Variants in ZNF276 observed in about 807,000 individuals in gnomAD.
The protein encoded by ZNF276 is centromere protein Z.
Under a neutral mutation model 63.9 loss-of-function variants are expected in ZNF276, and 59 were observed. That is an observed-to-expected ratio of 0.92 (90% confidence interval 0.75 to 1.15). ZNF276 has a LOEUF of 1.15. Ranked by LOEUF, ZNF276 falls within the 50% of genes most tolerant of loss-of-function variation. ZNF276 has a pLI of 0.00. For missense variants in ZNF276, 1,084 were observed against 843.8 expected (o/e 1.28, Z -3.53); for synonymous variants, 496 against 348.4 (o/e 1.42, Z -4.72).
rs747684200 is a variant in ZNF276, at chr16:89,737,972, C to G, written c.1575-4C>G. The G allele has an allele frequency of 1.2e-6, 2 of 1,614,136 alleles. No individual in the cohort carries two copies. The highest frequency in any genetic ancestry group is 1.7e-6 in the Non-Finnish European group (2 of 1,180,004). On this transcript the variant is annotated splice_region_variant and splice_polypyrimidine_tract_variant and intron_variant, in intron 10 of 10. Coordinates refer to ENST00000443381, the MANE Select transcript of ZNF276 (RefSeq NM_001113525.2). ...GCACCTTCTTATCTGCCTCTGTCCC[C>G]CAGGTGTGAGGTCTGTGGGTTCCAG...
intron 1 of ZNF276, 26 bp downstream of exon 1, chr16:89,721,871 G>A (rs945362268): frequency 1.7e-6 from 2 of 1,196,558 alleles, no homozygotes; most frequent in African/African-American, 1.6e-5. Flanking sequence ...GGGCGTGGCG[G>A]GTTGGGGTCG....
In ZNF276 at chr16:89,740,161, G is replaced by C. The variant is rs1439285683; in HGVS notation, c.*1915G>C. On this transcript the variant is annotated 3_prime_UTR_variant, in exon 11 of 11. Coordinates refer to ENST00000443381, the MANE Select transcript of ZNF276 (RefSeq NM_001113525.2). ...ACCTGGTGCTCCCATGGGTAGGAGGGTACAGCCCTCAGCACAGAAGAGGGC... is the reference window on the plus strand; with the variant it reads ...ACCTGGTGCTCCCATGGGTAGGAGGCTACAGCCCTCAGCACAGAAGAGGGC... 3.8e-6 allele frequency: 5 copies of C among 1,315,128 alleles called. No homozygotes were observed. The highest frequency in any genetic ancestry group is 1.5e-5 in the African/African-American group (1 of 68,960). The allele number at this position is 1,315,128 out of a possible 1,614,324, so 81.5% of individuals were successfully genotyped here. A position where few individuals can be genotyped will look rare whatever the true frequency, so the allele number is the denominator to read the frequency against.
rs182453786 is a variant in ZNF276 at position 89,728,514 on chromosome 16, C to T, written c.1086-721C>T. Among the ~76,000 whole-genome samples the T allele has an allele frequency of 2.2e-3, 332 of 152,348 alleles. 2 individuals are homozygous for T. Among genetic ancestry groups the T allele is most frequent in the African/African-American group, 7.1e-3 (296 of 41,582 alleles). On this transcript the variant is annotated intron_variant, in intron 5 of 10. Transcript: ENST00000443381. The stretch of plus-strand genomic sequence containing the variant: ...TGCCTCCCGGGTTCACGCCATTCTC[C>T]GGCCTCAGCCTCTGAGTCGCTGGGA...
chr16:89,734,288 C>G (rs2061775709), intron 9 of ZNF276, among the ~76,000 whole-genome samples: 1 of 152,008 alleles, frequency 6.6e-6, no homozygotes, highest in African/African-American at 2.4e-5. Context: ...AACTAATAGC[C>G]AAGCAATCTT....
intron 6 of ZNF276, chr16:89,733,081 C>G (rs1238586844): frequency 7.0e-6 from 4 of 570,870 alleles, no homozygotes; most frequent in Non-Finnish European, 1.3e-5. Flanking sequence ...ACCCCTGACC[C>G]TGCTGTGTCC....
chr16:89,725,845 C>T (rs1461806924), intron 4 of ZNF276, among the ~76,000 whole-genome samples: 2 of 152,174 alleles, frequency 1.3e-5, no homozygotes, highest in Non-Finnish European at 2.9e-5. Flanking sequence ...CAGGGTCTCA[C>T]TCTTTTGCCC....
At position 89,732,936 on chromosome 16, in the gene ZNF276, C is replaced by A; in HGVS notation, c.1170-366C>A. 3 of 337,300 alleles carry A rather than the reference C, an allele frequency of 8.9e-6. 1 individual carries two copies. The highest frequency in any genetic ancestry group is 8.8e-5 in the Admixed American group (2 of 22,686). 20.9% of individuals were successfully genotyped at this position (337,300 alleles called of 1,614,324 possible). Reference sequence around the variant, plus strand: ...TGTGTTCACCCCGACCCTGCTGTACCCTGCGCCCTCATCCTCTGCTGTGCC... The same window carrying A: ...TGTGTTCACCCCGACCCTGCTGTACACTGCGCCCTCATCCTCTGCTGTGCC... On this transcript the variant is annotated intron_variant, in intron 6 of 10. Transcript: ENST00000443381.
At chr16:89,734,606 C>A (rs3764258) in intron 9 of ZNF276, among the ~76,000 whole-genome samples, 1 of 151,934 alleles carries the variant, frequency 6.6e-6, no homozygotes, top group Non-Finnish European at 1.5e-5. Flanking sequence ...GGTGTGAGCA[C>A]TGCACCTGGC....
At chr16:89,724,868 C>T (rs773678645) in intron 4 of ZNF276, among the ~76,000 whole-genome samples, 9 of 152,206 alleles carry the variant, frequency 5.9e-5, no homozygotes, top group Admixed American at 3.3e-4. Context: ...CTCTCTCTAT[C>T]TACCTACCTA....
At chr16:89,725,039 G>C (rs1407732666) in intron 4 of ZNF276, among the ~76,000 whole-genome samples, 1 of 152,220 alleles carries the variant, frequency 6.6e-6, no homozygotes, top group Non-Finnish European at 1.5e-5. Context: ...TCAGCCTCCC[G>C]AGTAGCTGGG....
chr16:89,728,709 G>C (rs540266369), intron 5 of ZNF276, among the ~76,000 whole-genome samples: 2 of 151,974 alleles, frequency 1.3e-5, no homozygotes, highest in Admixed American at 6.6e-5. Flanking sequence ...GCCAATTTTT[G>C]TATTTTTAGT....
intron 6 of ZNF276, chr16:89,732,985 T>C (rs537341431): frequency 2.9e-5 from 7 of 237,540 alleles, no homozygotes; most frequent in South Asian, 6.9e-5. Flanking sequence ...GTGTTCGCCC[T>C]GACCCTGCTG....
chr16:89,722,252 G>T (rs1346169065), intron 1 of ZNF276, among the ~76,000 whole-genome samples: 2 of 152,228 alleles, frequency 1.3e-5, no homozygotes, highest in African/African-American at 4.8e-5. Flanking sequence ...CGGGTCTCGC[G>T]GTCGCTGGGA....
intron 4 of ZNF276, among the ~76,000 whole-genome samples, chr16:89,724,870 A>G (rs1253401930): frequency 6.6e-6 from 1 of 152,084 alleles, no homozygotes; most frequent in Non-Finnish European, 1.5e-5. Flanking sequence ...CTCTCTATCT[A>G]CCTACCTATC....
At chr16:89,727,959 G>A (rs1172442623) in intron 5 of ZNF276, among the ~76,000 whole-genome samples, 1 of 152,178 alleles carries the variant, frequency 6.6e-6, no homozygotes, top group African/African-American at 2.4e-5. Flanking sequence ...TGAGCCAAGC[G>A]CCATTCAGGG....
intron 9 of ZNF276, chr16:89,737,472 G>A (rs914921675): frequency 9.5e-5 from 31 of 326,802 alleles, no homozygotes; most frequent in African/African-American, 6.4e-4. Flanking sequence ...AGTGAGCTGA[G>A]ATCACGCCAC....
upstream of ZNF276, chr16:89,721,477 G>A (rs2061268702): frequency 3.5e-6 from 2 of 567,436 alleles, no homozygotes; most frequent in Non-Finnish European, 5.4e-6. Flanking sequence ...GCGGGGTCCC[G>A]CCCCTGGCCC....
Position 89,739,375 on chromosome 16 carries a change from C to T in ZNF276, c.*1129C>T. Reference sequence around the variant, plus strand: ...CAAGGGATACTGCTCATCTGTGGAGCAGAGGCACAGACAACCCTTCCCATC... The same window carrying T: ...CAAGGGATACTGCTCATCTGTGGAGTAGAGGCACAGACAACCCTTCCCATC... On this transcript the variant is annotated 3_prime_UTR_variant, in exon 11 of 11. Transcript: ENST00000443381. 1 of 1,588,554 alleles carries T rather than the reference C, an allele frequency of 6.3e-7. No individual in the cohort carries two copies. The highest frequency in any genetic ancestry group is 8.6e-7 in the Non-Finnish European group (1 of 1,163,328).
At chr16:89,732,996 T>C in intron 6 of ZNF276, 1 of 268,854 alleles carries the variant, frequency 3.7e-6, no homozygotes, top group African/African-American at 2.4e-5. Flanking sequence ...GACCCTGCTG[T>C]ACCCTGCGCC....
Sources: gnomAD v4.1 joint callset for allele counts (sites outside exome capture counted in the v4.1 genomes callset) on GRCh38, gnomAD v4.1.1 for gene constraint, MANE v1.5 for transcripts, NCBI Gene and HGNC (gene_info 2026-07-23, HGNC 2026-07-21) for gene names.